The following IRS1 variants were observed in gnomAD, a reference collection of about 807,000 sequenced individuals.
IRS1 encodes the protein insulin receptor substrate 1.
In IRS1, 34 loss-of-function variants were observed where a neutral mutation model predicts 65.6. The ratio of observed to expected loss-of-function variants is 0.52; its 90% CI spans 0.39 to 0.69. The LOEUF is 0.69. IRS1 is among the 30% of genes least tolerant of loss of function. IRS1 has a pLI of 0.00. For synonymous variants in IRS1, 699 were observed against 683.5 expected (o/e 1.02, Z -0.35); for missense variants, 1,641 against 1,720.2 (o/e 0.95, Z 0.81).
intron 1 of IRS1, among the ~76,000 whole-genome samples, chr2:226,773,168 T>C (rs1356749978): frequency 1.3e-5 from 2 of 152,218 alleles, no homozygotes; most frequent in South Asian, 2.1e-4. Flanking sequence ...TTGGCAGATA[T>C]ATATTCCTGT....
intron 1 of IRS1, among the ~76,000 whole-genome samples, chr2:226,769,233 A>G (rs1939117448): frequency 6.6e-6 from 1 of 152,230 alleles, no homozygotes; most frequent in Non-Finnish European, 1.5e-5. Context: ...TCCACTAAGC[A>G]GAGTCAAAAA....
At position 226,796,018 on chromosome 2, in the gene IRS1, G is replaced by C; in HGVS notation, c.2721C>G (p.Gly907=). The part of the protein sequence containing the change: ...VNIEFGSDQS[G]YLSGPVAFHS... ...GGAAAGCCACCGGGCCAGACAAGTA[G>C]CCAGACTGATCACTCCCAAATTCAA... The change falls in exon 1 of 2, where the codon GGC becomes GGG. Residue 907 remains glycine, a synonymous_variant. Coordinates refer to ENST00000305123, the MANE Select transcript of IRS1 (RefSeq NM_005544.3). 1.2e-6 allele frequency: 2 copies of C among 1,614,162 alleles called. No individual in the cohort carries two copies. The highest frequency in any genetic ancestry group is 1.7e-6 in the Non-Finnish European group (2 of 1,180,040).
chr2:226,741,044 T>G (rs184599982), intron 1 of IRS1, among the ~76,000 whole-genome samples: 124 of 152,142 alleles, frequency 8.2e-4, no homozygotes, highest in Admixed American at 1.4e-3. Context: ...ATGTATAAAA[T>G]ACAGGAAGAT....
At chr2:226,760,022 A>G (rs1320877087) in intron 1 of IRS1, among the ~76,000 whole-genome samples, 1 of 152,174 alleles carries the variant, frequency 6.6e-6, no homozygotes, top group Non-Finnish European at 1.5e-5. Context: ...TTTTAGAAGT[A>G]CAAAACAGCC....
chr2:226,795,405 G>GTTGCCCACAGT lies in IRS1; in HGVS notation c.3333_3334insACTGTGGGCAA (p.Arg1112ThrfsTer18). 6.2e-7 allele frequency: 1 copy of GTTGCCCACAGT among 1,613,380 alleles called. No homozygotes were observed. The highest frequency in any genetic ancestry group is 8.5e-7 in the Non-Finnish European group (1 of 1,179,996). On this transcript the variant is annotated frameshift_variant, in exon 1 of 2. Transcript: ENST00000305123. LOFTEE classifies it high-confidence loss of function. The stretch of plus-strand genomic sequence containing the variant: ...CCAAAGGGCACTGTGTTGCCCACCC[G>GTTGCCCACAGT]GGTGGCACTGGGTGTTGAGGAGAAA...
intron 1 of IRS1, among the ~76,000 whole-genome samples, chr2:226,779,856 G>A (rs1438931123): frequency 1.3e-5 from 2 of 152,162 alleles, no homozygotes; most frequent in African/African-American, 2.4e-5. Context: ...AGGGAATGCA[G>A]GGGAAAAGTC....
chr2:226,783,314 C>T lies in IRS1; in HGVS notation c.*21+11675G>A, dbSNP rs114239967. On this transcript the variant is annotated intron_variant, in intron 1 of 1. Transcript: ENST00000305123. ...TTTACAAACCTGAATAATAGAAGTA[C>T]ATTATGTATTTTCTGAAATCATTTC... Among the ~76,000 whole-genome samples, 918 of 152,294 alleles carry T rather than the reference C, an allele frequency of 6.0e-3. 7 individuals are homozygous for T. The highest frequency in any genetic ancestry group is 0.018 in the African/African-American group (748 of 41,552).
intron 1 of IRS1, among the ~76,000 whole-genome samples, chr2:226,788,919 T>C (rs550964593): frequency 1.8e-4 from 28 of 152,286 alleles, no homozygotes; most frequent in African/African-American, 6.7e-4. Flanking sequence ...TACATAATTA[T>C]AAATGTGGTA....
In IRS1 at chr2:226,795,010, C is replaced by T. The variant is rs1939679680; in HGVS notation, c.3729G>A (p.Ter1243=). 1 of 1,613,172 alleles carries T rather than the reference C, an allele frequency of 6.2e-7. No homozygotes were observed. Among genetic ancestry groups the T allele is most frequent in the Non-Finnish European group, 8.5e-7 (1 of 1,179,960 alleles). Residue 1243 remains the stop codon, a stop_retained_variant, in exon 1 of 2, where the codon TAG becomes TAA. Coordinates refer to ENST00000305123, the MANE Select transcript of IRS1 (RefSeq NM_005544.3). ...SFQKQPEDRQ[*] ...GCACCTGCTGTGATGTCCAGTTGAG[C>T]TACTGACGGTCCTCTGGCTGCTTCT...
rs138145752 is a variant in IRS1 at position 226,797,357 on chromosome 2, T to C, written c.1382A>G (p.Glu461Gly). ...GHTPPARGEEELSNYICMGGK... is the reference protein window; with the variant it reads ...GHTPPARGEEGLSNYICMGGK... ...ACCCATGCAGATATAGTTGCTTAGC[T>C]CCTCCTCACCGCGGGCTGGTGGGGT... Residue 461 changes from glutamate to glycine, a missense_variant, in exon 1 of 2, where the codon GAG becomes GGG. Glu to Gly is a moderately conservative substitution (Grantham distance 98). Transcript: ENST00000305123. The surrounding 1 kb of genome is among the most constrained non-coding windows in gnomAD (Gnocchi z 8.1). The C allele has an allele frequency of 6.1e-5, 98 of 1,612,996 alleles. No individual in the cohort carries two copies. The highest frequency in any genetic ancestry group is 1.8e-4 in the Admixed American group (11 of 59,978).
intron 1 of IRS1, among the ~76,000 whole-genome samples, chr2:226,745,337 T>C (rs1168019708): frequency 6.6e-6 from 1 of 152,238 alleles, no homozygotes; most frequent in Non-Finnish European, 1.5e-5. Context: ...GTAACCTGTA[T>C]GCGATTTTGA....
At chr2:226,745,351 A>T (rs1003192094) in intron 1 of IRS1, among the ~76,000 whole-genome samples, 17 of 152,214 alleles carry the variant, frequency 1.1e-4, no homozygotes, top group African/African-American at 2.7e-4. Flanking sequence ...ATTTTGAATT[A>T]AAAAATGTAC....
Position 226,797,322 on chromosome 2 carries a change from G to A in IRS1, c.1417C>T (p.Pro473Ser), listed in dbSNP as rs775717471. ...SNYICMGGKG[P>S]STLTAPNGHY... ...CCGTTGGGGGCGGTCAGGGTGGAGG[G>A]CCCCTTGCCACCCATGCAGATATAG... The change falls in exon 1 of 2, where the codon CCC becomes TCC. Residue 473 changes from proline to serine, a missense_variant. Pro to Ser is a moderately conservative substitution (Grantham distance 74). Around this residue, in one of 3 missense-constraint regions of IRS1, gnomAD observed 1,324 missense variants for 1,361.0 expected, o/e 0.97. Transcript: ENST00000305123. This position sits in a 1 kb window ranked among gnomAD's most constrained non-coding sequence, Gnocchi z 8.1. The A allele has an allele frequency of 1.9e-6, 3 of 1,613,326 alleles. No individual in the cohort carries two copies. The African/African-American group carries it at 4.0e-5, about 22-fold the overall frequency.
In IRS1 at chr2:226,766,144, TATATATATA is replaced by T. The variant is rs1265906296; in HGVS notation, c.*21+28836_*21+28844del. Among the ~76,000 whole-genome samples, 35 of 4,844 alleles carry T rather than the reference TATATATATA, an allele frequency of 7.2e-3. 2 individuals carry two copies. Among genetic ancestry groups the T allele is most frequent in the Middle Eastern group, 0.062 (1 of 16 alleles). 3.2% of individuals were successfully genotyped at this position (4,844 alleles called of 152,430 possible). ...TCTTATATATATATATATATATATA[TATATATATA>T]TATATATATATTTTTTTTTTTTTTT... On this transcript the variant is annotated intron_variant, in intron 1 of 1. Coordinates refer to ENST00000305123, the MANE Select transcript of IRS1 (RefSeq NM_005544.3).
In IRS1 at chr2:226,799,599, G is replaced by T. The variant is rs1211519951; in HGVS notation, c.-861C>A. 9.8e-7 allele frequency: 1 copy of T among 1,019,848 alleles called. No individual in the cohort carries two copies. Among genetic ancestry groups the T allele is most frequent in the Non-Finnish European group, 1.2e-6 (1 of 841,986 alleles). The allele number at this position is 1,019,848 out of a possible 1,614,324, so 63.2% of individuals were successfully genotyped here. A position where few individuals can be genotyped will look rare whatever the true frequency, so the allele number is the denominator to read the frequency against. ...AGAGGGGATGGGGGAGGTTTGGGAA[G>T]GGTTCGGGGAAGACGCCTGTTCCTC... On this transcript the variant is annotated 5_prime_UTR_variant, in exon 1 of 2. Coordinates refer to ENST00000305123, the MANE Select transcript of IRS1 (RefSeq NM_005544.3). This position sits in a 1 kb window ranked among gnomAD's most constrained non-coding sequence, Gnocchi z 6.1.
intron 1 of IRS1, among the ~76,000 whole-genome samples, chr2:226,762,483 T>C (rs151049682): frequency 3.9e-5 from 6 of 152,276 alleles, no homozygotes; most frequent in East Asian, 1.9e-4. Context: ...CAGTGAAGCA[T>C]TGGCAAATTT....
At chr2:226,759,444 A>G (rs1938872172) in intron 1 of IRS1, among the ~76,000 whole-genome samples, 1 of 152,206 alleles carries the variant, frequency 6.6e-6, no homozygotes, top group Admixed American at 6.5e-5. Context: ...TGGCAGAACC[A>G]TGGCAGCTGG....
At chr2:226,750,249 CAAAAAAAAA>C (rs75785691) in intron 1 of IRS1, among the ~76,000 whole-genome samples, 1 of 59,980 alleles carries the variant, frequency 1.7e-5, no homozygotes, top group Admixed American at 1.8e-4. Flanking sequence ...AACTCTGTCT[CAAAAAAAAA>C]AAAAAAAAAA....
chr2:226,779,323 G>A (rs1939336310), intron 1 of IRS1, among the ~76,000 whole-genome samples: 1 of 152,180 alleles, frequency 6.6e-6, no homozygotes, highest in South Asian at 2.1e-4. Flanking sequence ...TATGATTCTG[G>A]TCTACAGATA....
Sources: gnomAD v4.1 joint callset for allele counts (sites outside exome capture counted in the v4.1 genomes callset) on GRCh38, gnomAD v4.1.1 for gene constraint, gnomAD v4.1.1 regional missense constraint, Gnocchi (gnomAD v3.1) non-coding constraint, MANE v1.5 for transcripts, NCBI Gene and HGNC (gene_info 2026-07-23, HGNC 2026-07-21) for gene names.